NUP133: variants seen among roughly 807,000 people sequenced by gnomAD.
NUP133 encodes nuclear pore complex protein Nup133.
NUP133 carries 66 observed loss-of-function variants against 146.2 expected under a neutral mutation model. The observed-to-expected ratio is 0.45, with a 90% CI of 0.37 to 0.55. The LOEUF is 0.55. NUP133 is among the 20% of genes least tolerant of loss of function. The probability of loss-of-function intolerance (pLI) is 0.00; values close to 1 mark genes in which losing one functional copy is unlikely to be tolerated. For synonymous variants in NUP133, 521 were observed against 498.8 expected (o/e 1.04, Z -0.59); for missense variants, 1,277 against 1,374.8 (o/e 0.93, Z 1.12).
At position 229,490,000 on chromosome 1, in the gene NUP133, T is replaced by C; in HGVS notation, c.1149A>G (p.Ser383=). The C allele has an allele frequency of 6.2e-7, 1 of 1,610,742 alleles. No individual in the cohort carries two copies. The highest frequency in any genetic ancestry group is 8.5e-7 in the Non-Finnish European group (1 of 1,178,010). Reference sequence around the variant, plus strand: ...GAGTGACTTCTACAGTAACTGCATCTGACATTTGGCAACCATTATCTTCTA... The same window carrying C: ...GAGTGACTTCTACAGTAACTGCATCCGACATTTGGCAACCATTATCTTCTA... ...ITIEDNGCQM[S]DAVTVEVTQY... The change falls in exon 9 of 26, where the codon TCA becomes TCG. Residue 383 remains serine, a synonymous_variant. Coordinates refer to ENST00000261396, the MANE Select transcript of NUP133 (RefSeq NM_018230.3).
intron 15 of NUP133, among the ~76,000 whole-genome samples, chr1:229,469,246 T>C (rs948852379): frequency 3.9e-5 from 6 of 152,240 alleles, no homozygotes; most frequent in African/African-American, 9.6e-5. Flanking sequence ...TAAGTTCTAA[T>C]GTCACACCTT....
intron 19 of NUP133, among the ~76,000 whole-genome samples, chr1:229,461,560 G>A (rs527731550): frequency 6.6e-6 from 1 of 151,796 alleles, no homozygotes; most frequent in African/African-American, 2.4e-5. Flanking sequence ...ATCCACGAGG[G>A]GACAAATAAC....
chr1:229,478,216 A>C (rs1661125132), intron 12 of NUP133, among the ~76,000 whole-genome samples: 2 of 152,320 alleles, frequency 1.3e-5, no homozygotes, highest in Admixed American at 1.3e-4. Flanking sequence ...GTTTTGGCTC[A>C]AAGTTACTTT....
chr1:229,466,564 T>A, intron 16 of NUP133, 70 bp downstream of exon 16: 1 of 1,546,900 alleles, frequency 6.5e-7, no homozygotes, highest in South Asian at 1.1e-5. Flanking sequence ...AGTAGGAACA[T>A]GGAAACCAGT....
At chr1:229,477,456 A>T in intron 13 of NUP133, 141 bp downstream of exon 13, 2 of 591,660 alleles carry the variant, frequency 3.4e-6, no homozygotes, top group Non-Finnish European at 5.2e-6. Context: ...AAAAAAAAAA[A>T]GGAAGGTCAC....
At position 229,499,726 on chromosome 1, in the gene NUP133, A is replaced by G; in HGVS notation, c.606T>C (p.Asp202=). ...AACTGTAAGTCTTATCACCTCCCGAATCTACAAAAGCCTCTGTGTAGGTAT... is the reference window on the plus strand; with the variant it reads ...AACTGTAAGTCTTATCACCTCCCGAGTCTACAAAAGCCTCTGTGTAGGTAT... ...GEDTYTEAFV[D]SGGDKTYSFL... is the part of the protein sequence containing the mutation. The change falls in exon 5 of 26, where the codon GAT becomes GAC. Residue 202 remains aspartate, a synonymous_variant. Coordinates refer to ENST00000261396, the MANE Select transcript of NUP133 (RefSeq NM_018230.3). The G allele has an allele frequency of 1.2e-6, 2 of 1,614,100 alleles. No individual in the cohort carries two copies. The highest frequency in any genetic ancestry group is 1.7e-6 in the Non-Finnish European group (2 of 1,179,962).
At chr1:229,459,622 T>A (rs1371516838) in intron 20 of NUP133, among the ~76,000 whole-genome samples, 1 of 152,240 alleles carries the variant, frequency 6.6e-6, no homozygotes, top group African/African-American at 2.4e-5. Context: ...GAGTTATTTG[T>A]CTGTGTCTGG....
intron 2 of NUP133, among the ~76,000 whole-genome samples, chr1:229,503,263 G>A (rs993564087): frequency 1.3e-5 from 2 of 152,136 alleles, no homozygotes; most frequent in Non-Finnish European, 2.9e-5. Flanking sequence ...GGGCAACAGA[G>A]CAAGACTCTG....
intron 25 of NUP133, among the ~76,000 whole-genome samples, chr1:229,444,075 G>A (rs1163681501): frequency 6.6e-6 from 1 of 151,966 alleles, no homozygotes; most frequent in African/African-American, 2.4e-5. Flanking sequence ...GCTCATGCCT[G>A]TAATCCCAGC....
intron 9 of NUP133, 136 bp downstream of exon 9, chr1:229,489,819 T>G (rs1661462889): frequency 1.6e-6 from 1 of 637,910 alleles, no homozygotes; most frequent in Non-Finnish European, 2.4e-6. Flanking sequence ...GAGGTTGCAG[T>G]GAGCTGAGAT....
intron 17 of NUP133, 146 bp from the exon 18 acceptor site, chr1:229,465,021 G>T: frequency 1.1e-6 from 1 of 912,374 alleles, no homozygotes; most frequent in Non-Finnish European, 1.7e-6. Context: ...TCAATGCCCT[G>T]CTTGAATCCC....
intron 20 of NUP133, among the ~76,000 whole-genome samples, chr1:229,460,209 A>AT (rs1280974443): frequency 6.6e-6 from 1 of 152,014 alleles, no homozygotes; most frequent in Non-Finnish European, 1.5e-5. Flanking sequence ...TCATTCACTT[A>AT]TTTTGAGACA....
At chr1:229,490,285 T>C (rs1661473363) in intron 8 of NUP133, among the ~76,000 whole-genome samples, 183 bp from the exon 9 acceptor site, 1 of 151,982 alleles carries the variant, frequency 6.6e-6, no homozygotes, top group Non-Finnish European at 1.5e-5. Flanking sequence ...TGTGTACAAA[T>C]GACTGTAGTG....
At chr1:229,450,639 C>A (rs779795344) in intron 22 of NUP133, 34 bp from the exon 23 acceptor site, 3 of 1,098,218 alleles carry the variant, frequency 2.7e-6, no homozygotes, top group Non-Finnish European at 4.0e-6. Context: ...GAAGATTATA[C>A]AATCATGTAA....
At chr1:229,488,544 C>T (rs1439018040) in intron 9 of NUP133, among the ~76,000 whole-genome samples, 1 of 152,096 alleles carries the variant, frequency 6.6e-6, no homozygotes, top group Non-Finnish European at 1.5e-5. Context: ...GAAATTTTTT[C>T]TAACACTGAG....
At chr1:229,498,431 G>A (rs1170948567) in intron 5 of NUP133, 125 bp from the exon 6 acceptor site, 30 of 601,956 alleles carry the variant, frequency 5.0e-5, no homozygotes, top group African/African-American at 4.4e-4. Flanking sequence ...AAAATAGAAC[G>A]TTGTTATTTT....
intron 14 of NUP133, among the ~76,000 whole-genome samples, chr1:229,472,729 T>TATATATATATATATATATATAC (rs1558097685): frequency 3.4e-5 from 5 of 147,922 alleles, no homozygotes; most frequent in African/African-American, 1.3e-4. Context: ...TATATATATG[T>TATATATATATATATATATATAC]ACAATCATTC....
intron 11 of NUP133, among the ~76,000 whole-genome samples, chr1:229,484,447 A>G (rs762129606): frequency 6.6e-6 from 1 of 152,212 alleles, no homozygotes; most frequent in Non-Finnish European, 1.5e-5. Flanking sequence ...CCTGGGCCGC[A>G]TGCAGCCCAT....
Position 229,484,279 on chromosome 1 carries a change from G to A in NUP133, c.1501-134C>T, listed in dbSNP as rs749694656. The A allele has an allele frequency of 2.4e-4, 126 of 526,124 alleles. 1 individual carries two copies. The highest frequency in any genetic ancestry group is 2.7e-4 in the Non-Finnish European group (82 of 303,182). The allele number at this position is 526,124 out of a possible 1,614,324, so 32.6% of individuals were successfully genotyped here. A position where few individuals can be genotyped will look rare whatever the true frequency, so the allele number is the denominator to read the frequency against. On this transcript the variant is annotated intron_variant, in intron 11 of 25. Coordinates refer to ENST00000261396, the MANE Select transcript of NUP133 (RefSeq NM_018230.3). ...TGTTTGCCGTATTGTCTGTACCAGGGGTGTCCAATCTTTTGGCTTCCTTGG... is the reference window on the plus strand; with the variant it reads ...TGTTTGCCGTATTGTCTGTACCAGGAGTGTCCAATCTTTTGGCTTCCTTGG...
Sources: gnomAD v4.1 joint callset for allele counts (sites outside exome capture counted in the v4.1 genomes callset) on GRCh38, gnomAD v4.1.1 for gene constraint, MANE v1.5 for transcripts, NCBI Gene and HGNC (gene_info 2026-07-23, HGNC 2026-07-21) for gene names.